Variants in MEGF6 observed in about 807,000 individuals in gnomAD.
The protein encoded by MEGF6 is multiple epidermal growth factor-like domains protein 6.
In MEGF6, 184 loss-of-function variants were observed where a neutral mutation model predicts 207.1. That is an observed-to-expected ratio of 0.89 (90% CI 0.79 to 1.00). The LOEUF (loss-of-function observed/expected upper bound fraction) is 1.00. Among genes scored for constraint, MEGF6 ranks in the 50% least tolerant of loss-of-function variants. MEGF6 has a pLI of 0.00. For missense variants in MEGF6, 2,282 were observed against 2,202.9 expected (o/e 1.04, Z -0.72); for synonymous variants, 1,038 against 910.0 (o/e 1.14, Z -2.53).
In MEGF6 at chr1:3,499,246, C is replaced by T. The variant is rs1439755841; in HGVS notation, c.2986G>A (p.Gly996Arg). 4.4e-6 allele frequency: 7 copies of T among 1,606,066 alleles called. No homozygotes were observed. Among genetic ancestry groups the T allele is most frequent in the East Asian group, 2.2e-5 (1 of 44,618 alleles). The change falls in exon 24 of 37, where the codon GGG becomes AGG. Residue 996 changes from glycine (G) to arginine (R), a missense_variant. Transcript: ENST00000356575. ...CAETCPAHTY[G>R]HNCSQACACF... ...GCACAGGCCTGGCTGCAATTGTGCC[C>T]GTAGGTGTGGGCTGGGCAGGCTGCA...
chr1:3,501,824 C>A lies in MEGF6; in HGVS notation c.2286G>T (p.Pro762=), dbSNP rs764351742. 2.5e-6 allele frequency: 4 copies of A among 1,608,802 alleles called. No individual in the cohort carries two copies. The highest frequency in any genetic ancestry group is 3.4e-6 in the Non-Finnish European group (4 of 1,178,602). The change falls in exon 18 of 37, where the codon CCG becomes CCT. Residue 762 remains proline (P), a synonymous_variant. Coordinates refer to ENST00000356575, the MANE Select transcript of MEGF6 (RefSeq NM_001409.4). ...CCTCACAGTCTTCCCCAGTCCTCCC[C>A]GGCGGACACCGGCACTGCCCCGTGA... ...HGVTGQCRCP[P]GRTGEDCEAD...
At chr1:3,602,638 C>A in intron 1 of MEGF6, 38 bp from the exon 2 acceptor site, 1 of 1,572,972 alleles carries the variant, frequency 6.4e-7, no homozygotes. Context: ...CCTCGGCCAC[C>A]CCCAGCCGGC....
rs760815271 is a variant in MEGF6, at chr1:3,488,701, C to T, written c.*1827G>A. Among the ~76,000 whole-genome samples, 8 of 152,220 alleles carry T rather than the reference C, an allele frequency of 5.3e-5. No individual in the cohort carries two copies. Among genetic ancestry groups the T allele is most frequent in the African/African-American group, 1.2e-4 (5 of 41,452 alleles). ...GGAACATCACAGTTTTCTGGCTCTC[C>T]GTGTTTCTCACGTATAGTCTGAGGT... On this transcript the variant is annotated 3_prime_UTR_variant, in exon 37 of 37. Coordinates refer to ENST00000356575, the MANE Select transcript of MEGF6 (RefSeq NM_001409.4).
At chr1:3,577,442 A>G (rs1643673490) in intron 4 of MEGF6, among the ~76,000 whole-genome samples, 1 of 152,248 alleles carries the variant, frequency 6.6e-6, no homozygotes, top group South Asian at 2.1e-4. Flanking sequence ...TTCAGCCCCA[A>G]CTAGGCTGCT....
chr1:3,512,533 C>T (rs1301478214), intron 7 of MEGF6, among the ~76,000 whole-genome samples: 5 of 152,144 alleles, frequency 3.3e-5, no homozygotes, highest in East Asian at 1.9e-4. Flanking sequence ...GGGAGGAGCC[C>T]GGTGGGAGGT....
chr1:3,621,013 A>G, the MEGF6 span, among the ~76,000 whole-genome samples: 1 of 152,160 alleles, frequency 6.6e-6, no homozygotes, highest in Non-Finnish European at 1.5e-5. Flanking sequence ...TACTTCCACT[A>G]ATTTTGCACC....
intron 4 of MEGF6, among the ~76,000 whole-genome samples, chr1:3,542,769 G>C (rs1357639530): frequency 1.3e-5 from 2 of 152,256 alleles, no homozygotes; most frequent in African/African-American, 4.8e-5. Context: ...GCAATAAGGA[G>C]CTAAGGGAAG....
At chr1:3,524,812 T>G (rs539244550) in intron 4 of MEGF6, among the ~76,000 whole-genome samples, 1 of 152,114 alleles carries the variant, frequency 6.6e-6, no homozygotes, top group African/African-American at 2.4e-5. Context: ...CGAGATGAGA[T>G]TGTTCCGGAT....
chr1:3,621,719 G>A, the MEGF6 span, among the ~76,000 whole-genome samples: 1 of 152,176 alleles, frequency 6.6e-6, no homozygotes, highest in Admixed American at 6.5e-5. Context: ...CCAGCAGCTT[G>A]CACCCTGCAC....
At chr1:3,547,936 GGTGT>G (rs544024782) in intron 4 of MEGF6, among the ~76,000 whole-genome samples, 52 of 152,286 alleles carry the variant, frequency 3.4e-4, no homozygotes, top group African/African-American at 1.2e-3. Context: ...GCCTTGAGAA[GGTGT>G]GGGACCCAAC....
chr1:3,570,495 G>A (rs1343721154), intron 4 of MEGF6, among the ~76,000 whole-genome samples: 2 of 152,244 alleles, frequency 1.3e-5, no homozygotes. Context: ...CCAGAAACCA[G>A]GCAGAGCTCC....
At chr1:3,558,796 T>G (rs1643108320) in intron 4 of MEGF6, among the ~76,000 whole-genome samples, 3 of 152,218 alleles carry the variant, frequency 2.0e-5, no homozygotes, top group Admixed American at 6.5e-5. Context: ...TGCTGGTTCT[T>G]GTTTGCAGCG....
At chr1:3,505,982 C>T in intron 15 of MEGF6, 126 bp downstream of exon 15, 1 of 1,304,648 alleles carries the variant, frequency 7.7e-7, no homozygotes, top group Non-Finnish European at 1.0e-6. Flanking sequence ...AGACCTACAT[C>T]CCAGTGGGTG....
rs552271418 is a variant in MEGF6 at position 3,577,657 on chromosome 1, C to T, written c.481+2168G>A. Among the ~76,000 whole-genome samples the T allele has an allele frequency of 7.9e-4, 121 of 152,318 alleles. 1 individual carries two copies. The highest frequency in any genetic ancestry group is 2.7e-3 in the African/African-American group (113 of 41,586). On this transcript the variant is annotated intron_variant, in intron 4 of 36. Coordinates refer to ENST00000356575, the MANE Select transcript of MEGF6 (RefSeq NM_001409.4). ...GGCTGCTGCTGTGGATGCTGAGCCC[C>T]GGGCCCAGGCACCGTGAGAGTCTGT...
At chr1:3,492,541 A>G in intron 35 of MEGF6, 98 bp downstream of exon 35, 1 of 1,545,574 alleles carries the variant, frequency 6.5e-7, no homozygotes, top group Non-Finnish European at 8.8e-7. Context: ...GACCCGGCCA[A>G]CTCCGCAGTG....
chr1:3,538,089 T>C (rs2101473318), intron 4 of MEGF6, among the ~76,000 whole-genome samples: 1 of 152,340 alleles, frequency 6.6e-6, no homozygotes, highest in East Asian at 1.9e-4. Flanking sequence ...TCAAGGCTCC[T>C]AAGCCCCAAA....
intron 14 of MEGF6, 57 bp from the exon 15 acceptor site, chr1:3,506,293 TC>T: frequency 1.3e-6 from 2 of 1,578,184 alleles, no homozygotes; most frequent in Middle Eastern, 2.2e-4. Flanking sequence ...CCACATGTGG[TC>T]CCCCCATGTG....
At chr1:3,582,461 T>A (rs2794337) in intron 3 of MEGF6, among the ~76,000 whole-genome samples, 3 of 152,086 alleles carry the variant, frequency 2.0e-5, no homozygotes, top group Admixed American at 6.5e-5. Context: ...CCTCGTCTCC[T>A]CCATGACACC....
At position 3,508,678 on chromosome 1, in the gene MEGF6, C is replaced by A. The variant is rs1276679952; in HGVS notation, c.1540G>T (p.Asp514Tyr). 6.2e-7 allele frequency: 1 copy of A among 1,613,154 alleles called. No individual in the cohort carries two copies. The change falls in exon 13 of 37, where the codon GAC becomes TAC. Residue 514 changes from aspartate (D) to tyrosine (Y), a missense_variant. By Grantham distance (160) the Asp-to-Tyr change is radical (BLOSUM62 -3). Coordinates refer to ENST00000356575, the MANE Select transcript of MEGF6 (RefSeq NM_001409.4). Reference sequence around the variant, plus strand: ...AAGCTGCAGTCATGGCCAAAGGAGTCATCCAGGCAGACTGGGGGCAGACCA... The same window carrying A: ...AAGCTGCAGTCATGGCCAAAGGAGTAATCCAGGCAGACTGGGGGCAGACCA... Reference protein sequence around the residue: ...TLTEKFVCLDDSFGHDCSLTC... With the variant: ...TLTEKFVCLDYSFGHDCSLTC...
Sources: gnomAD v4.1 joint callset for allele counts (sites outside exome capture counted in the v4.1 genomes callset) on GRCh38, gnomAD v4.1.1 for gene constraint, MANE v1.5 for transcripts, NCBI Gene and HGNC (gene_info 2026-07-23, HGNC 2026-07-21) for gene names.